The following DPY19L1 variants were observed in gnomAD, a reference collection of about 807,000 sequenced individuals.
DPY19L1 encodes the protein dpy-19 like C-mannosyltransferase 1, also known as protein C-mannosyl-transferase DPY19L1.
DPY19L1 carries 35 observed loss-of-function variants against 96.9 expected under a neutral mutation model. The observed-to-expected ratio is 0.36, with a 90% CI of 0.28 to 0.48. DPY19L1 has a LOEUF of 0.48. DPY19L1 is among the 20% of genes least tolerant of loss of function. DPY19L1 has a pLI of 0.99. For missense variants in DPY19L1, 521 were observed against 777.9 expected, an observed-to-expected ratio of 0.67 and a Z score of 3.93; for synonymous variants, 205 against 252.6, an observed-to-expected ratio of 0.81 and a Z score of 1.79.
chr7:35,003,830 C>G (rs528282249), intron 6 of DPY19L1, among the ~76,000 whole-genome samples: 2 of 152,358 alleles, frequency 1.3e-5, no homozygotes, highest in Admixed American at 6.5e-5. Context: ...AGCCAGTGTA[C>G]TGTAGTCTCT....
chr7:34,997,345 C>G (rs1785309917), intron 6 of DPY19L1, among the ~76,000 whole-genome samples: 1 of 147,658 alleles, frequency 6.8e-6, no homozygotes, highest in Non-Finnish European at 1.5e-5. Flanking sequence ...GTAATCCCAG[C>G]ACTTTGGGAG....
intron 8 of DPY19L1, 65 bp downstream of exon 8, chr7:34,973,449 G>T: frequency 2.0e-6 from 2 of 980,586 alleles, no homozygotes; most frequent in Admixed American, 3.4e-5. Context: ...CTTTATTATG[G>T]AAGCTTAAGA....
chr7:34,947,994 T>G (rs1784187137), intron 14 of DPY19L1, among the ~76,000 whole-genome samples: 2 of 152,250 alleles, frequency 1.3e-5, no homozygotes, highest in Admixed American at 1.3e-4. Flanking sequence ...GAGACCAACT[T>G]AATATTCATC....
intron 1 of DPY19L1, among the ~76,000 whole-genome samples, chr7:35,031,140 A>G (rs1454210596): frequency 1.3e-5 from 2 of 152,212 alleles, no homozygotes; most frequent in Non-Finnish European, 2.9e-5. Flanking sequence ...GGTCTCTATG[A>G]CAATGTAGAT....
intron 6 of DPY19L1, among the ~76,000 whole-genome samples, chr7:34,992,801 T>TA (rs527895179): frequency 0.018 from 2,587 of 144,820 alleles, 62 homozygotes; most frequent in African/African-American, 0.056. Context: ...ATACTCTCTG[T>TA]AAAAAAAAAA....
chr7:34,930,425 G>A lies in DPY19L1; in HGVS notation c.*1148C>T, dbSNP rs1475230227. ...ATATACTTATTCCTTATACTGAAAT[G>A]ATGGTTTTTAGAACCAAAATTATAA... is the stretch of plus-strand genomic sequence containing the variant. On this transcript the variant is annotated 3_prime_UTR_variant, in exon 22 of 22. Transcript: ENST00000638088. 1 of 152,160 alleles carries A rather than the reference G, an allele frequency of 6.6e-6. No homozygotes were observed. The highest frequency in any genetic ancestry group is 2.4e-5 in the African/African-American group (1 of 41,428). The allele number at this position is 152,160 out of a possible 1,614,324, so 9.4% of individuals were successfully genotyped here.
intron 6 of DPY19L1, among the ~76,000 whole-genome samples, chr7:35,002,364 G>C (rs1307415021): frequency 1.3e-5 from 2 of 151,776 alleles, no homozygotes; most frequent in African/African-American, 4.8e-5. Context: ...CTCAGTAGAA[G>C]GTTGGAAAAA....
At chr7:35,035,417 C>T (rs1377453060) in intron 1 of DPY19L1, among the ~76,000 whole-genome samples, 2 of 152,034 alleles carry the variant, frequency 1.3e-5, no homozygotes, top group African/African-American at 2.4e-5. Flanking sequence ...TCAAAGGAAA[C>T]GCAATCAAAA....
chr7:34,948,395 C>G (rs1784196837), intron 14 of DPY19L1, among the ~76,000 whole-genome samples: 1 of 151,898 alleles, frequency 6.6e-6, no homozygotes, highest in Non-Finnish European at 1.5e-5. Flanking sequence ...TAGGAAATAC[C>G]ATGTTAAATT....
At position 34,989,950 on chromosome 7, in the gene DPY19L1, G is replaced by C. The variant is rs760761125; in HGVS notation, c.765-9C>G. On this transcript the variant is annotated splice_polypyrimidine_tract_variant and intron_variant, in intron 6 of 21. Transcript: ENST00000638088. ...CTCCTAATCGGCTGCCACTGGAAAA[G>C]AAGAAAACATAACTCAAATAACAAA... 3 of 1,605,388 alleles carry C rather than the reference G, an allele frequency of 1.9e-6. No homozygotes were observed. The highest frequency in any genetic ancestry group is 2.7e-5 in the African/African-American group (2 of 74,404).
intron 3 of DPY19L1, among the ~76,000 whole-genome samples, chr7:35,015,135 A>G (rs1412296667): frequency 6.6e-6 from 1 of 152,204 alleles, no homozygotes; most frequent in Non-Finnish European, 1.5e-5. Flanking sequence ...CTAGGAAACT[A>G]TACCTTCCTT....
chr7:34,929,195 T>G lies in DPY19L1; in HGVS notation c.*2378A>C, dbSNP rs1783698096. On this transcript the variant is annotated 3_prime_UTR_variant, in exon 22 of 22. Transcript: ENST00000638088. ...AAAATATTTGTAAATGCTAACAATA[T>G]GCAAAACACTGAGCTTTAATACTGT... 1 of 152,252 alleles carries G rather than the reference T, an allele frequency of 6.6e-6. No individual in the cohort carries two copies. Among genetic ancestry groups the G allele is most frequent in the African/African-American group, 2.4e-5 (1 of 41,468 alleles). 9.4% of individuals were successfully genotyped at this position (152,252 alleles called of 1,614,324 possible).
intron 10 of DPY19L1, among the ~76,000 whole-genome samples, chr7:34,964,840 T>C (rs986080823): frequency 6.6e-6 from 1 of 152,134 alleles, no homozygotes; most frequent in Admixed American, 6.5e-5. Context: ...TCATTTTCTT[T>C]TGGACACAAG....
At chr7:34,950,933 A>C (rs1352659187) in intron 13 of DPY19L1, among the ~76,000 whole-genome samples, 1 of 152,152 alleles carries the variant, frequency 6.6e-6, no homozygotes, top group Non-Finnish European at 1.5e-5. Context: ...TCACCAAAAG[A>C]AATACTTAAA....
chr7:35,024,144 G>A (rs982830520), intron 1 of DPY19L1, among the ~76,000 whole-genome samples: 6 of 152,030 alleles, frequency 3.9e-5, no homozygotes, highest in Non-Finnish European at 8.8e-5. Context: ...CCGAAGAAAT[G>A]TATTCTAAGT....
At chr7:34,950,071 C>G (rs1784239325) in intron 13 of DPY19L1, among the ~76,000 whole-genome samples, 173 bp from the exon 14 acceptor site, 1 of 152,114 alleles carries the variant, frequency 6.6e-6, no homozygotes, top group Non-Finnish European at 1.5e-5. Context: ...CAGTTCCCTT[C>G]TTTTGCTGAA....
intron 6 of DPY19L1, among the ~76,000 whole-genome samples, chr7:35,007,861 C>T (rs996726443): frequency 1.1e-4 from 16 of 151,996 alleles, no homozygotes; most frequent in Admixed American, 7.9e-4. Context: ...CATACTTCAG[C>T]TTGAATCCTG....
chr7:34,945,317 A>G (rs1057400148), intron 16 of DPY19L1, among the ~76,000 whole-genome samples: 2 of 152,120 alleles, frequency 1.3e-5, no homozygotes, highest in African/African-American at 2.4e-5. Flanking sequence ...ATCCAGTTTT[A>G]TATTTCCCTG....
chr7:34,954,219 T>C (rs569591226), intron 13 of DPY19L1, among the ~76,000 whole-genome samples: 1 of 152,136 alleles, frequency 6.6e-6, no homozygotes, highest in South Asian at 2.1e-4. Context: ...TCTACCCTAA[T>C]ACCAAAAATA....
Sources: allele counts gnomAD v4.1 joint callset (sites outside exome capture counted in the v4.1 genomes callset), GRCh38; gene constraint gnomAD v4.1.1; transcripts MANE v1.5; gene names NCBI Gene and HGNC (gene_info 2026-07-23, HGNC 2026-07-21).